RARB: variants seen among roughly 807,000 people sequenced by gnomAD.
RARB encodes HBV-activated protein.
A neutral mutation model predicts 51.9 loss-of-function variants in RARB; 17 were observed. That is an observed-to-expected ratio of 0.33 (90% CI 0.22 to 0.49). RARB has a LOEUF of 0.49. Among genes scored for constraint, RARB ranks in the 20% least tolerant of loss-of-function variants. The probability of loss-of-function intolerance (pLI) is 0.99; values close to 1 mark genes in which losing one functional copy is unlikely to be tolerated. For missense variants in RARB, 369 were observed against 550.8 expected, an observed-to-expected ratio of 0.67 and a Z score of 3.30; for synonymous variants, 215 against 195.4, an observed-to-expected ratio of 1.10 and a Z score of -0.84.
At chr3:25,319,237 G>A (rs1704500804) in intron 5 of RARB, among the ~76,000 whole-genome samples, 1 of 152,170 alleles carries the variant, frequency 6.6e-6, no homozygotes, top group Non-Finnish European at 1.5e-5. Context: ...TTATCCTGGT[G>A]ATTCTGAGAT....
At chr3:24,984,484 A>C (rs542048970) in intron 2 of RARB, among the ~76,000 whole-genome samples, 1 of 152,186 alleles carries the variant, frequency 6.6e-6, no homozygotes, top group Admixed American at 6.5e-5. Flanking sequence ...AAGTTAAACT[A>C]TGAATTTTTA....
chr3:24,867,230 A>G (rs1702867435), intron 2 of RARB, among the ~76,000 whole-genome samples: 1 of 152,090 alleles, frequency 6.6e-6, no homozygotes. Flanking sequence ...GGCCTTACAA[A>G]GGTGGTTAAG....
chr3:25,237,300 A>G (rs1702325756), intron 5 of RARB, among the ~76,000 whole-genome samples: 1 of 152,142 alleles, frequency 6.6e-6, no homozygotes, highest in African/African-American at 2.4e-5. Flanking sequence ...GGCTTCCCAA[A>G]GCAGCATTAT....
chr3:25,460,497 G>T (rs1161475465), intron 1 of RARB, among the ~76,000 whole-genome samples: 1 of 150,378 alleles, frequency 6.6e-6, no homozygotes, highest in Non-Finnish European at 1.5e-5. Context: ...GCCCAGGCTG[G>T]AGTTCAGTCG....
At chr3:25,179,077 A>C (rs1700812221) in intron 5 of RARB, among the ~76,000 whole-genome samples, 1 of 152,228 alleles carries the variant, frequency 6.6e-6, no homozygotes, top group Admixed American at 6.5e-5. Context: ...CTCTCCTGTC[A>C]AAATCACAAA....
chr3:24,918,597 C>T (rs575140968), intron 2 of RARB, among the ~76,000 whole-genome samples: 1 of 152,166 alleles, frequency 6.6e-6, no homozygotes, highest in Non-Finnish European at 1.5e-5. Context: ...AAAATTTAGA[C>T]TAGGGCTGGG....
At chr3:24,928,152 C>T (rs974056775) in intron 2 of RARB, among the ~76,000 whole-genome samples, 1 of 151,810 alleles carries the variant, frequency 6.6e-6, no homozygotes, top group African/African-American at 2.4e-5. Context: ...GGGTTTATGC[C>T]ATTGGAAGTC....
At chr3:25,082,693 T>C (rs1035613710) in intron 3 of RARB, among the ~76,000 whole-genome samples, 14 of 152,088 alleles carry the variant, frequency 9.2e-5, no homozygotes, top group African/African-American at 3.1e-4. Context: ...GCAAAAAATA[T>C]TGCTTATGAT....
At chr3:25,113,927 C>T (rs1699644454) in intron 3 of RARB, among the ~76,000 whole-genome samples, 1 of 152,134 alleles carries the variant, frequency 6.6e-6, no homozygotes, top group African/African-American at 2.4e-5. Flanking sequence ...AATGTCTGCC[C>T]TGTTCCCCTG....
intron 4 of RARB, among the ~76,000 whole-genome samples, chr3:25,163,533 A>ATATATATATG: frequency 8.5e-6 from 1 of 118,002 alleles, no homozygotes; most frequent in Non-Finnish European, 1.8e-5. Flanking sequence ...ATATATATAT[A>ATATATATATG]TATATTTGTT....
intron 4 of RARB, 31 bp from the exon 5 acceptor site, chr3:25,580,515 T>C: frequency 6.6e-7 from 1 of 1,525,374 alleles, no homozygotes; most frequent in Non-Finnish European, 9.0e-7. Flanking sequence ...TCCCGGAAAC[T>C]GTATCTGATG....
At position 25,176,532 on chromosome 3, in the gene RARB, A is replaced by T. The variant is rs79229927; in HGVS notation, c.178+1957A>T. On this transcript the variant is annotated intron_variant, in intron 5 of 11. Coordinates refer to the RARB transcript ENST00000383772. ...CACCTCAACCCTCTGAGTGACTGGGACTACAGGCACGCACCACCACACCCA... is the reference window on the plus strand; with the variant it reads ...CACCTCAACCCTCTGAGTGACTGGGTCTACAGGCACGCACCACCACACCCA... 6.5e-3 allele frequency among the ~76,000 whole-genome samples: 987 copies of T among 151,166 alleles called. 57 individuals are homozygous for T. In the East Asian group the frequency reaches 0.15, roughly 23 times the overall value.
intron 2 of RARB, among the ~76,000 whole-genome samples, chr3:25,479,946 A>G (rs1327734843): frequency 6.6e-6 from 1 of 152,226 alleles, no homozygotes; most frequent in Non-Finnish European, 1.5e-5. Flanking sequence ...CAAAATGCCC[A>G]TTACCCTTGA....
chr3:25,398,163 G>C (rs1707167374), intron 5 of RARB, among the ~76,000 whole-genome samples: 1 of 152,016 alleles, frequency 6.6e-6, no homozygotes, highest in African/African-American at 2.4e-5. Flanking sequence ...CCACGTTTGG[G>C]GGCCAGCTAA....
At chr3:25,465,862 C>A (rs1695405926) in intron 2 of RARB, among the ~76,000 whole-genome samples, 1 of 152,100 alleles carries the variant, frequency 6.6e-6, no homozygotes, top group Non-Finnish European at 1.5e-5. Flanking sequence ...AAAATAATGT[C>A]TTTGGAAAAC....
chr3:25,245,443 G>A lies in RARB; in HGVS notation c.178+70868G>A, dbSNP rs369717757. 5.3e-5 allele frequency among the ~76,000 whole-genome samples: 8 copies of A among 152,158 alleles called. No homozygotes were observed. In the East Asian group the frequency reaches 5.8e-4, roughly 11 times the overall value. ...GTTTATTTTTGCAGTGGCTGGTACC[G>A]GTTTTTCCTTTCCACATTTAGTGTT... On this transcript the variant is annotated intron_variant, in intron 5 of 11. Transcript: ENST00000383772.
At chr3:24,952,073 T>G (rs978165555) in intron 2 of RARB, among the ~76,000 whole-genome samples, 4 of 152,188 alleles carry the variant, frequency 2.6e-5, no homozygotes, top group African/African-American at 9.7e-5. Flanking sequence ...TAACTTTTCT[T>G]TTTTTGAAAG....
chr3:25,335,829 G>A (rs1705045651), intron 5 of RARB, among the ~76,000 whole-genome samples: 1 of 152,158 alleles, frequency 6.6e-6, no homozygotes, highest in Admixed American at 6.5e-5. Context: ...TATGTGGCCA[G>A]GGAACAGTCC....
upstream of RARB, among the ~76,000 whole-genome samples, chr3:25,423,456 G>T (rs147243470): frequency 6.0e-3 from 907 of 152,318 alleles, 3 homozygotes; most frequent in Non-Finnish European, 9.6e-3. Flanking sequence ...ATTTAAAAGT[G>T]TTGCAGAGCA....
Sources: gnomAD v4.1 joint callset for allele counts (sites outside exome capture counted in the v4.1 genomes callset) on GRCh38, gnomAD v4.1.1 for gene constraint, MANE v1.5 for transcripts, NCBI Gene and HGNC (gene_info 2026-07-23, HGNC 2026-07-21) for gene names.